NCALD: variants seen among roughly 807,000 people sequenced by gnomAD.
NCALD encodes neurocalcin-delta.
Under a neutral mutation model 18.6 loss-of-function variants are expected in NCALD, and 10 were observed. That is an observed-to-expected ratio of 0.54 (90% CI 0.33 to 0.91). The LOEUF (loss-of-function observed/expected upper bound fraction) is 0.91. Among genes scored for constraint, NCALD ranks in the 40% least tolerant of loss-of-function variants. The pLI is 0.03. For synonymous variants in NCALD, 88 were observed against 87.4 expected (o/e 1.01, Z -0.04); for missense variants, 184 against 247.6 (o/e 0.74, Z 1.72).
At chr8:101,898,565 T>G (rs906838865) in intron 3 of NCALD, among the ~76,000 whole-genome samples, 1 of 152,186 alleles carries the variant, frequency 6.6e-6, no homozygotes, top group Admixed American at 6.5e-5. Flanking sequence ...GCTGTTGATA[T>G]CATGTTTAGG....
At chr8:101,899,216 T>A (rs941941663) in intron 3 of NCALD, among the ~76,000 whole-genome samples, 1 of 152,072 alleles carries the variant, frequency 6.6e-6, no homozygotes. Context: ...AAAGTGTAAT[T>A]GATTTTGATA....
intron 4 of NCALD, among the ~76,000 whole-genome samples, chr8:101,843,300 G>A (rs1434772578): frequency 1.3e-5 from 2 of 152,174 alleles, no homozygotes; most frequent in African/African-American, 2.4e-5. Flanking sequence ...TTTGCTGTGG[G>A]AACTTCTCAA....
intron 2 of NCALD, among the ~76,000 whole-genome samples, chr8:102,018,085 G>A (rs1394150257): frequency 6.6e-6 from 1 of 152,180 alleles, no homozygotes; most frequent in Non-Finnish European, 1.5e-5. Flanking sequence ...ATAATACCAA[G>A]TGCTAGAGGA....
intron 1 of NCALD, among the ~76,000 whole-genome samples, chr8:102,112,837 T>C (rs1386397143): frequency 6.6e-6 from 1 of 152,022 alleles, no homozygotes; most frequent in Non-Finnish European, 1.5e-5. Context: ...GCCTGGCACC[T>C]CCCCCTCCCC....
intron 3 of NCALD, among the ~76,000 whole-genome samples, chr8:101,905,218 ATTATCT>A: frequency 6.6e-6 from 1 of 151,368 alleles, no homozygotes; most frequent in South Asian, 2.1e-4. Flanking sequence ...GGCTTCTATG[ATTATCT>A]TTTCTCAGAT....
intron 2 of NCALD, among the ~76,000 whole-genome samples, chr8:102,007,818 C>T (rs1000404239): frequency 2.0e-5 from 3 of 152,160 alleles, no homozygotes; most frequent in Non-Finnish European, 4.4e-5. Flanking sequence ...TCCAAGAAGG[C>T]AGGGCCAACC....
At chr8:102,050,398 T>A (rs1016782378) in intron 1 of NCALD, among the ~76,000 whole-genome samples, 3 of 151,150 alleles carry the variant, frequency 2.0e-5, no homozygotes, top group African/African-American at 7.3e-5. Flanking sequence ...AGAATTAATG[T>A]TATGTAATTG....
intron 3 of NCALD, chr8:101,691,789 C>T (rs1814737591): frequency 1.0e-6 from 1 of 985,246 alleles, no homozygotes; most frequent in Non-Finnish European, 1.2e-6. Flanking sequence ...CAGAGGCTCT[C>T]TGTACTGCGA....
At chr8:101,925,676 G>C (rs1818312463) in intron 2 of NCALD, among the ~76,000 whole-genome samples, 1 of 152,150 alleles carries the variant, frequency 6.6e-6, no homozygotes, top group Non-Finnish European at 1.5e-5. Context: ...ATTTCTTTGA[G>C]TCATTGAGCT....
chr8:101,692,014 C>T lies in NCALD; in HGVS notation c.484+777G>A, dbSNP rs369564865. 1.2e-5 allele frequency: 12 copies of T among 981,720 alleles called. No individual in the cohort carries two copies. In the East Asian group the frequency reaches 1.0e-3, roughly 84 times the overall value. The allele number at this position is 981,720 out of a possible 1,614,324, so 60.8% of individuals were successfully genotyped here. A position where few individuals can be genotyped will look rare whatever the true frequency, so the allele number is the denominator to read the frequency against. ...CTGGCAAATTAAATACATGATGCCC[C>T]GTTAACTTTGAATTTCAGATAAACA... On this transcript the variant is annotated intron_variant, in intron 3 of 3. Transcript: ENST00000220931.
chr8:102,021,305 T>C (rs1822265278), intron 1 of NCALD, among the ~76,000 whole-genome samples: 1 of 152,192 alleles, frequency 6.6e-6, no homozygotes, highest in South Asian at 2.1e-4. Flanking sequence ...ATTGATAATT[T>C]AATAAGCTTC....
chr8:101,911,318 A>G lies in NCALD; in HGVS notation c.-107+4491T>C, dbSNP rs529341285. On this transcript the variant is annotated intron_variant, in intron 3 of 6. Coordinates refer to the NCALD transcript ENST00000311028. Reference sequence around the variant, plus strand: ...GGGAGAAGGAGAAGGGGGCCACAGGAAATCCTTCCTCTTATGAATTTCTCT... The same window carrying G: ...GGGAGAAGGAGAAGGGGGCCACAGGGAATCCTTCCTCTTATGAATTTCTCT... Among the ~76,000 whole-genome samples, 9 of 148,594 alleles carry G rather than the reference A, an allele frequency of 6.1e-5. No individual in the cohort carries two copies. The South Asian group carries it at 1.9e-3, about 31-fold the overall frequency.
intron 4 of NCALD, among the ~76,000 whole-genome samples, chr8:101,800,991 G>A (rs1490775531): frequency 6.9e-6 from 1 of 145,358 alleles, no homozygotes. Context: ...GAGGGGAGAA[G>A]AGGAAGGAAA....
At chr8:101,698,266 G>T (rs1442709818) in intron 2 of NCALD, among the ~76,000 whole-genome samples, 2 of 152,168 alleles carry the variant, frequency 1.3e-5, no homozygotes, top group Non-Finnish European at 2.9e-5. Flanking sequence ...ACAGACCACT[G>T]CTCAAGTAAA....
At chr8:101,782,867 T>C (rs1262114191) in intron 1 of NCALD, among the ~76,000 whole-genome samples, 2 of 152,216 alleles carry the variant, frequency 1.3e-5, no homozygotes, top group Non-Finnish European at 2.9e-5. Flanking sequence ...TGGGAAGTTG[T>C]AGCCAGTGTG....
chr8:101,692,347 A>AC (rs2129963662), intron 3 of NCALD: 1 of 985,284 alleles, frequency 1.0e-6, no homozygotes, highest in Admixed American at 6.1e-5. Flanking sequence ...TGCACAGGAG[A>AC]CCCCAACAAA....
chr8:101,792,609 C>A (rs1210898419), upstream of NCALD, among the ~76,000 whole-genome samples: 2 of 152,192 alleles, frequency 1.3e-5, no homozygotes, highest in African/African-American at 2.4e-5. Context: ...CCAACAGCCA[C>A]AATTCATAAA....
At chr8:101,965,417 T>C (rs888981904) in intron 2 of NCALD, among the ~76,000 whole-genome samples, 3 of 152,158 alleles carry the variant, frequency 2.0e-5, no homozygotes, top group Non-Finnish European at 4.4e-5. Context: ...ATATATACCA[T>C]GGAATACTAT....
chr8:101,706,564 C>G (rs1349169880), intron 2 of NCALD, among the ~76,000 whole-genome samples: 1 of 152,212 alleles, frequency 6.6e-6, no homozygotes, highest in African/African-American at 2.4e-5. Flanking sequence ...CCTTGTCTAT[C>G]TGAAACCTGT....
Sources: gnomAD v4.1 joint callset for allele counts (sites outside exome capture counted in the v4.1 genomes callset) on GRCh38, gnomAD v4.1.1 for gene constraint, MANE v1.5 for transcripts, NCBI Gene and HGNC (gene_info 2026-07-23, HGNC 2026-07-21) for gene names.